RBFOX1: variants seen among roughly 807,000 people sequenced by gnomAD.
RBFOX1 encodes RNA binding protein fox-1 homolog 1.
A neutral mutation model predicts 57.7 loss-of-function variants in RBFOX1; 8 were observed. The observed-to-expected ratio is 0.14, with a 90% CI of 0.08 to 0.25. RBFOX1 has a LOEUF of 0.25. Among genes scored for constraint, RBFOX1 ranks in the 10% least tolerant of loss-of-function variants. The probability of loss-of-function intolerance (pLI) is 1.00; values close to 1 mark genes in which losing one functional copy is unlikely to be tolerated. For missense variants in RBFOX1, 611 were observed against 548.5 expected (o/e 1.11, Z -1.14); for synonymous variants, 326 against 222.4 (o/e 1.47, Z -4.15).
intron 2 of RBFOX1, among the ~76,000 whole-genome samples, chr16:6,390,648 T>C (rs754452637): frequency 6.6e-6 from 1 of 152,158 alleles, no homozygotes; most frequent in Non-Finnish European, 1.5e-5. Flanking sequence ...CGACAGTATA[T>C]GGCTAGGTGA....
chr16:7,083,093 C>G (rs906319575), intron 4 of RBFOX1, among the ~76,000 whole-genome samples: 6 of 152,072 alleles, frequency 3.9e-5, no homozygotes, highest in Admixed American at 1.3e-4. Flanking sequence ...CTGCTCATTT[C>G]AAGGAACAAG....
rs188476883 is a variant in RBFOX1 at position 6,886,022 on chromosome 16, C to A, written c.-15-166035C>A. On this transcript the variant is annotated intron_variant, in intron 3 of 15. Coordinates refer to ENST00000550418, the MANE Select transcript of RBFOX1 (RefSeq NM_018723.4). ...TGAAAGTTATTAACGAGATTTCATG[C>A]ATCAAGGATACTGTTGACTGTCCAG... is the stretch of plus-strand genomic sequence containing the variant. Among the ~76,000 whole-genome samples, 285 of 151,254 alleles carry A rather than the reference C, an allele frequency of 1.9e-3. 1 individual carries two copies. Among genetic ancestry groups the A allele is most frequent in the African/African-American group, 6.1e-3 (253 of 41,286 alleles).
intron 1 of RBFOX1, among the ~76,000 whole-genome samples, chr16:5,459,905 C>A (rs956490013): frequency 6.6e-6 from 1 of 152,160 alleles, no homozygotes; most frequent in South Asian, 2.1e-4. Context: ...ACACCTTAAT[C>A]TTCACTGCCT....
At chr16:7,588,734 T>A (rs773466757) in intron 7 of RBFOX1, among the ~76,000 whole-genome samples, 1 of 152,186 alleles carries the variant, frequency 6.6e-6, no homozygotes, top group Non-Finnish European at 1.5e-5. Flanking sequence ...CTCTTTTGGA[T>A]GTGTATAACC....
At chr16:6,438,477 G>A (rs1219656587) in intron 2 of RBFOX1, among the ~76,000 whole-genome samples, 1 of 152,166 alleles carries the variant, frequency 6.6e-6, no homozygotes, top group Admixed American at 6.5e-5. Flanking sequence ...TGGATGCTGT[G>A]TGCTTTGCTA....
intron 1 of RBFOX1, among the ~76,000 whole-genome samples, chr16:6,030,043 C>T (rs1341148029): frequency 6.6e-6 from 1 of 152,086 alleles, no homozygotes; most frequent in Non-Finnish European, 1.5e-5. Flanking sequence ...CTTGAGTAGC[C>T]AGGACCACAG....
chr16:7,184,784 T>C (rs2083393870), intron 4 of RBFOX1, among the ~76,000 whole-genome samples: 1 of 152,210 alleles, frequency 6.6e-6, no homozygotes, highest in South Asian at 2.1e-4. Flanking sequence ...TAGTTCTGAA[T>C]GTTTGTGCCT....
chr16:5,622,241 C>T (rs567082742), intron 3 of RBFOX1, among the ~76,000 whole-genome samples: 93 of 152,136 alleles, frequency 6.1e-4, no homozygotes, highest in Non-Finnish European at 1.1e-3. Context: ...TGCCAAAGCT[C>T]CAAGTTTGAG....
In RBFOX1 at chr16:6,952,884, A is replaced by G. The variant is rs539131859; in HGVS notation, c.-15-99173A>G. 4.7e-4 allele frequency among the ~76,000 whole-genome samples: 71 copies of G among 152,150 alleles called. 1 individual carries two copies. The highest frequency in any genetic ancestry group is 1.6e-3 in the African/African-American group (67 of 41,510). On this transcript the variant is annotated intron_variant, in intron 3 of 15. Transcript: ENST00000550418. Reference sequence around the variant, plus strand: ...CAGCTATTGGGGAGGCTGAGGCAGGAGAAGGGCTTGAACCCAGGTGGTGGA... The same window carrying G: ...CAGCTATTGGGGAGGCTGAGGCAGGGGAAGGGCTTGAACCCAGGTGGTGGA...
intron 2 of RBFOX1, among the ~76,000 whole-genome samples, chr16:6,355,586 A>C (rs1306424556): frequency 1.3e-5 from 2 of 152,216 alleles, no homozygotes; most frequent in Non-Finnish European, 2.9e-5. Context: ...ATAGTGACAC[A>C]ATAAACATAC....
At chr16:6,410,264 T>C (rs2093415936) in intron 2 of RBFOX1, among the ~76,000 whole-genome samples, 1 of 150,936 alleles carries the variant, frequency 6.6e-6, no homozygotes, top group Non-Finnish European at 1.5e-5. Flanking sequence ...AAGGTAGCCT[T>C]CTCCTTGGGG....
chr16:7,358,506 C>T (rs1338755797), intron 4 of RBFOX1, among the ~76,000 whole-genome samples: 7 of 152,084 alleles, frequency 4.6e-5, no homozygotes, highest in African/African-American at 9.7e-5. Context: ...CTGCAACCTC[C>T]ACCTCCCGGG....
chr16:5,935,487 C>A (rs2059149922), intron 4 of RBFOX1, among the ~76,000 whole-genome samples: 3 of 152,096 alleles, frequency 2.0e-5, no homozygotes, highest in Admixed American at 2.0e-4. Context: ...GGAGCTGTTC[C>A]TAATTGGTAC....
At chr16:7,372,742 A>T (rs2097591580) in intron 4 of RBFOX1, among the ~76,000 whole-genome samples, 1 of 152,032 alleles carries the variant, frequency 6.6e-6, no homozygotes, top group Admixed American at 6.5e-5. Flanking sequence ...AATCAATATA[A>T]AAAGCAGCAA....
intron 4 of RBFOX1, among the ~76,000 whole-genome samples, chr16:7,256,586 G>T (rs929569945): frequency 1.3e-5 from 2 of 152,000 alleles, no homozygotes; most frequent in African/African-American, 4.8e-5. Flanking sequence ...CTGTGTGTGC[G>T]TTGATGTATG....
In RBFOX1 at chr16:5,742,708, C is replaced by A. The variant is rs142517807; in HGVS notation, c.319-124595C>A. On this transcript the variant is annotated intron_variant, in intron 3 of 19. Transcript: ENST00000641259. ...AGGACAGAATGGGTATCATATATGACTTAAAGAAAGCGAAGTGAGTGAGGA... is the reference window on the plus strand; with the variant it reads ...AGGACAGAATGGGTATCATATATGAATTAAAGAAAGCGAAGTGAGTGAGGA... Among the ~76,000 whole-genome samples, 114 of 152,316 alleles carry A rather than the reference C, an allele frequency of 7.5e-4. 1 individual carries two copies. The highest frequency in any genetic ancestry group is 2.5e-3 in the African/African-American group (103 of 41,564).
rs144885990 is a variant in RBFOX1, at chr16:6,524,826, C to G, written c.-63-129777C>G. On this transcript the variant is annotated intron_variant, in intron 2 of 15. Transcript: ENST00000550418. ...CACCTTCTTCCTCCATCACCTGGCTCCTTCTCTGTGTGTCTGAGTCTATGT... is the reference window on the plus strand; with the variant it reads ...CACCTTCTTCCTCCATCACCTGGCTGCTTCTCTGTGTGTCTGAGTCTATGT... Among the ~76,000 whole-genome samples, 1,165 of 152,252 alleles carry G rather than the reference C, an allele frequency of 7.7e-3. 10 individuals carry two copies. Among genetic ancestry groups the G allele is most frequent in the South Asian group, 0.012 (57 of 4,814 alleles).
chr16:5,978,413 C>A (rs768071070), intron 4 of RBFOX1, among the ~76,000 whole-genome samples: 4 of 152,128 alleles, frequency 2.6e-5, no homozygotes, highest in African/African-American at 4.8e-5. Flanking sequence ...ACAGAGAGTT[C>A]CTGTATACCC....
chr16:5,263,016 A>T (rs1453762800), intron 1 of RBFOX1, among the ~76,000 whole-genome samples: 1 of 151,692 alleles, frequency 6.6e-6, no homozygotes, highest in Non-Finnish European at 1.5e-5. Context: ...GTGGGAGATC[A>T]TTACAAATCT....
Sources: allele counts gnomAD v4.1 joint callset (sites outside exome capture counted in the v4.1 genomes callset), GRCh38; gene constraint gnomAD v4.1.1; transcripts MANE v1.5; gene names NCBI Gene and HGNC (gene_info 2026-07-23, HGNC 2026-07-21).